The following CFAP95 variants were observed in gnomAD, a reference collection of about 807,000 sequenced individuals.
CFAP95 encodes the protein cilia and flagella associated protein 95.
chr9:69,875,460 C>T, the CFAP95 span, among the ~76,000 whole-genome samples: 7 of 151,954 alleles, frequency 4.6e-5, no homozygotes, highest in Non-Finnish European at 8.8e-5. Flanking sequence ...TTTCTCATTG[C>T]CTACTTTGTA....
At chr9:69,843,504 CCCCT>C in the CFAP95 span, among the ~76,000 whole-genome samples, 24 of 7,312 alleles carry the variant, frequency 3.3e-3, 5 homozygotes, top group African/African-American at 9.9e-3. Flanking sequence ...TCCTCCTCCC[CCCCT>C]CCTCCTCCTC....
chr9:69,820,955 T>C, the CFAP95 span: 2 of 1,614,070 alleles, frequency 1.2e-6, no homozygotes, highest in Non-Finnish European at 1.7e-6. Context: ...ACCACCGGAC[T>C]TGGTGGAGCG....
the CFAP95 span, among the ~76,000 whole-genome samples, chr9:69,832,620 A>ATTTTTTTTTTTTTTTTTTTTTT: frequency 1.6e-3 from 18 of 11,350 alleles, 3 homozygotes; most frequent in Admixed American, 3.6e-3. Flanking sequence ...GTCTATTCGG[A>ATTTTTTTTTTTTTTTTTTTTTT]TTTTTTTTTT....
At chr9:69,883,407 T>C in the CFAP95 span, among the ~76,000 whole-genome samples, 1 of 152,300 alleles carries the variant, frequency 6.6e-6, no homozygotes, top group Non-Finnish European at 1.5e-5. Flanking sequence ...GAGGGGTTTA[T>C]CTTAAGGTTG....
At chr9:69,835,566 G>A in the CFAP95 span, among the ~76,000 whole-genome samples, 5 of 152,170 alleles carry the variant, frequency 3.3e-5, no homozygotes, top group Admixed American at 1.3e-4. Context: ...TTATGGACAC[G>A]TTTGAAAGCC....
chr9:69,863,441 G>C, the CFAP95 span, among the ~76,000 whole-genome samples: 1 of 152,088 alleles, frequency 6.6e-6, no homozygotes, highest in African/African-American at 2.4e-5. Flanking sequence ...CAATTTAAGA[G>C]TTTTTATTTG....
At chr9:69,857,097 T>C in the CFAP95 span, among the ~76,000 whole-genome samples, 2 of 152,188 alleles carry the variant, frequency 1.3e-5, no homozygotes, top group African/African-American at 4.8e-5. Context: ...AAATAAAGTA[T>C]GAAGTGTGCA....
At chr9:69,833,801 A>C in the CFAP95 span, among the ~76,000 whole-genome samples, 9 of 152,150 alleles carry the variant, frequency 5.9e-5, no homozygotes, top group Non-Finnish European at 5.9e-5. Flanking sequence ...GAAAGGGAAA[A>C]ATGTACATTT....
the CFAP95 span, among the ~76,000 whole-genome samples, chr9:69,845,977 C>T: frequency 6.6e-6 from 1 of 152,212 alleles, no homozygotes; most frequent in Admixed American, 6.5e-5. Flanking sequence ...CATCCACTTG[C>T]TCCATTCCCC....
At chr9:69,890,171 ACT>A in the CFAP95 span, among the ~76,000 whole-genome samples, 1 of 152,084 alleles carries the variant, frequency 6.6e-6, no homozygotes, top group South Asian at 2.1e-4. Flanking sequence ...CTAATTAAAA[ACT>A]CACAAATTTC....
chr9:69,880,970 G>C, the CFAP95 span, among the ~76,000 whole-genome samples: 2 of 152,002 alleles, frequency 1.3e-5, no homozygotes, highest in African/African-American at 4.8e-5. Context: ...TTTGAGAAAT[G>C]TCTATTCAAA....
At chr9:69,860,604 CTTT>C in the CFAP95 span, among the ~76,000 whole-genome samples, 37 of 144,420 alleles carry the variant, frequency 2.6e-4, no homozygotes, top group Non-Finnish European at 3.0e-4. Flanking sequence ...TATACCTTTT[CTTT>C]TTTTTTTTTT....
At chr9:69,851,071 T>A in the CFAP95 span, among the ~76,000 whole-genome samples, 1 of 152,192 alleles carries the variant, frequency 6.6e-6, no homozygotes, top group African/African-American at 2.4e-5. Context: ...CTTTTCTACA[T>A]CAGTAATCAT....
chr9:69,869,932 G>T, the CFAP95 span, among the ~76,000 whole-genome samples: 1 of 152,096 alleles, frequency 6.6e-6, no homozygotes, highest in Admixed American at 6.5e-5. Context: ...TACTTAAAAT[G>T]AAGTCTTCAG....
chr9:69,905,683 T>C, the CFAP95 span, among the ~76,000 whole-genome samples: 1 of 152,206 alleles, frequency 6.6e-6, no homozygotes, highest in Non-Finnish European at 1.5e-5. Flanking sequence ...TTATGCTGTG[T>C]ATTTGTGGTT....
the CFAP95 span, among the ~76,000 whole-genome samples, chr9:69,865,694 A>G: frequency 6.6e-6 from 1 of 152,214 alleles, no homozygotes; most frequent in Non-Finnish European, 1.5e-5. Flanking sequence ...GTATCTATGT[A>G]TAAATGAAGT....
the CFAP95 span, among the ~76,000 whole-genome samples, chr9:69,869,981 G>GT: frequency 6.6e-6 from 1 of 152,120 alleles, no homozygotes; most frequent in Non-Finnish European, 1.5e-5. Flanking sequence ...GTATCTTTGA[G>GT]TTACAGAGGT....
chr9:69,847,448 G>A, the CFAP95 span, among the ~76,000 whole-genome samples: 1 of 152,188 alleles, frequency 6.6e-6, no homozygotes, highest in Non-Finnish European at 1.5e-5. Flanking sequence ...TAAATGCTAA[G>A]ATCTTAGAGA....
the CFAP95 span, among the ~76,000 whole-genome samples, chr9:69,826,095 G>A: frequency 1.3e-5 from 2 of 152,124 alleles, no homozygotes; most frequent in Non-Finnish European, 2.9e-5. Context: ...TAGTTTTAAA[G>A]ACTTTTACAC....
Sources: gnomAD v4.1 joint callset for allele counts (sites outside exome capture counted in the v4.1 genomes callset) on GRCh38, gnomAD v4.1.1 for gene constraint, MANE v1.5 for transcripts, NCBI Gene and HGNC (gene_info 2026-07-23, HGNC 2026-07-21) for gene names.